The following SLCO2A1 variants were observed in gnomAD, a reference collection of about 807,000 sequenced individuals.
The protein encoded by SLCO2A1 is matrin F/G 1.
SLCO2A1 carries 60 observed loss-of-function variants against 71.7 expected under a neutral mutation model. The observed-to-expected ratio is 0.84, with a 90% CI of 0.68 to 1.04. SLCO2A1 has a LOEUF of 1.04. Ranked by LOEUF, SLCO2A1 falls within the 50% of genes least tolerant of loss-of-function variation. The pLI is 0.00. For synonymous variants in SLCO2A1, 308 were observed against 326.7 expected (o/e 0.94, Z 0.62); for missense variants, 745 against 813.4 (o/e 0.92, Z 1.02).
chr3:134,018,115 A>G (rs549648382), intron 1 of SLCO2A1, among the ~76,000 whole-genome samples: 1 of 152,212 alleles, frequency 6.6e-6, no homozygotes, highest in South Asian at 2.1e-4. Flanking sequence ...ACCTGATCCT[A>G]CCCGTTCCCG....
intron 3 of SLCO2A1, among the ~76,000 whole-genome samples, chr3:133,963,810 C>T (rs1934101184): frequency 7.0e-6 from 1 of 143,618 alleles, no homozygotes; most frequent in South Asian, 2.3e-4. Context: ...GAATGTTCCA[C>T]TCTGAAGGAC....
chr3:134,015,952 C>A (rs1357259969), intron 1 of SLCO2A1, among the ~76,000 whole-genome samples: 1 of 151,770 alleles, frequency 6.6e-6, no homozygotes, highest in Non-Finnish European at 1.5e-5. Context: ...GGTGGAGAAA[C>A]AACTGGATAG....
At chr3:133,954,857 G>T in intron 4 of SLCO2A1, 109 bp downstream of exon 4, 1 of 822,682 alleles carries the variant, frequency 1.2e-6, no homozygotes, top group East Asian at 2.6e-5. Flanking sequence ...CTCATTTGCT[G>T]GGTTGTAAGC....
At chr3:133,965,580 G>T (rs1293956452) in intron 3 of SLCO2A1, among the ~76,000 whole-genome samples, 1 of 152,052 alleles carries the variant, frequency 6.6e-6, no homozygotes, top group Non-Finnish European at 1.5e-5. Context: ...TTCCTACAGG[G>T]AGAAAATATG....
chr3:134,006,089 G>C (rs1402958076), intron 1 of SLCO2A1, among the ~76,000 whole-genome samples: 1 of 152,002 alleles, frequency 6.6e-6, no homozygotes, highest in South Asian at 2.1e-4. Flanking sequence ...TTTTGAGACA[G>C]AGTCTTGCCT....
intron 7 of SLCO2A1, 96 bp downstream of exon 7, chr3:133,948,797 C>CT: frequency 5.7e-6 from 9 of 1,591,744 alleles, no homozygotes; most frequent in African/African-American, 1.3e-5. Context: ...CCTACTGTCC[C>CT]TTACCGCACA....
chr3:134,023,537 C>T (rs1348796316), intron 1 of SLCO2A1, among the ~76,000 whole-genome samples: 1 of 152,112 alleles, frequency 6.6e-6, no homozygotes, highest in Non-Finnish European at 1.5e-5. Context: ...GAAGTCTTGC[C>T]CCCCGATGTA....
At chr3:133,982,750 C>T (rs1289593437) in intron 1 of SLCO2A1, among the ~76,000 whole-genome samples, 2 of 152,116 alleles carry the variant, frequency 1.3e-5, no homozygotes, top group Non-Finnish European at 2.9e-5. Context: ...ATCACTGCAA[C>T]AGCCTCTCAC....
At position 133,935,687 on chromosome 3, in the gene SLCO2A1, C is replaced by T. The variant is rs1000740897; in HGVS notation, c.1814+87G>A. 4.9e-5 allele frequency: 68 copies of T among 1,387,682 alleles called. No homozygotes were observed. In the African/African-American group the frequency reaches 9.5e-4, roughly 19 times the overall value. 86.0% of individuals were successfully genotyped at this position (1,387,682 alleles called of 1,614,324 possible). A position where few individuals can be genotyped will look rare whatever the true frequency, so the allele number is the denominator to read the frequency against. On this transcript the variant is annotated intron_variant, in intron 13 of 13. Coordinates refer to ENST00000310926, the MANE Select transcript of SLCO2A1 (RefSeq NM_005630.3). The stretch of plus-strand genomic sequence containing the variant: ...GTTCTCTTCCTTGGAAGCCTGACAG[C>T]CCCCACAGTAGCCACTGGGCATATG...
chr3:133,948,406 C>T, intron 8 of SLCO2A1, 130 bp downstream of exon 8: 1 of 899,038 alleles, frequency 1.1e-6, no homozygotes, highest in South Asian at 2.1e-5. Flanking sequence ...AATTCTTTCT[C>T]CTGGGCAGTC....
chr3:133,989,658 C>A (rs1469245044), intron 1 of SLCO2A1, among the ~76,000 whole-genome samples: 1 of 152,108 alleles, frequency 6.6e-6, no homozygotes, highest in Non-Finnish European at 1.5e-5. Flanking sequence ...ATGACAAAGC[C>A]CAACTCTACA....
chr3:134,026,773 G>C (rs1009049288), intron 1 of SLCO2A1, among the ~76,000 whole-genome samples: 14 of 152,286 alleles, frequency 9.2e-5, no homozygotes, highest in Non-Finnish European at 1.5e-4. Context: ...CTGAAGGAGA[G>C]GTCTGTAGGA....
At chr3:133,940,100 T>G (rs536671956) in intron 11 of SLCO2A1, among the ~76,000 whole-genome samples, 222 of 151,960 alleles carry the variant, frequency 1.5e-3, no homozygotes, top group Non-Finnish European at 2.4e-3. Flanking sequence ...CCCAAGTAGC[T>G]GGGACTACAG....
chr3:133,950,547 C>T (rs982710553), intron 6 of SLCO2A1, among the ~76,000 whole-genome samples: 3 of 152,188 alleles, frequency 2.0e-5, no homozygotes, highest in Non-Finnish European at 4.4e-5. Flanking sequence ...TTCCCTACCC[C>T]CTAAACTCAA....
chr3:133,955,329 A>G (rs575584400), intron 3 of SLCO2A1, 136 bp from the exon 4 acceptor site: 11 of 658,882 alleles, frequency 1.7e-5, no homozygotes, highest in Admixed American at 2.9e-5. Flanking sequence ...CAAATGGGAC[A>G]TGGTTCCTGA....
intron 2 of SLCO2A1, among the ~76,000 whole-genome samples, chr3:133,974,328 T>C (rs1163473656): frequency 6.6e-6 from 1 of 152,194 alleles, no homozygotes; most frequent in Non-Finnish European, 1.5e-5. Flanking sequence ...GCTTATCTCA[T>C]TTAATCATGA....
At position 133,955,451 on chromosome 3, in the gene SLCO2A1, G is replaced by A. The variant is rs1198183380; in HGVS notation, c.398-258C>T. The A allele has an allele frequency of 5.7e-6, 3 of 522,750 alleles. No homozygotes were observed. The African/African-American group carries it at 5.7e-5, about 10-fold the overall frequency. 32.4% of individuals were successfully genotyped at this position (522,750 alleles called of 1,614,324 possible). A position where few individuals can be genotyped will look rare whatever the true frequency, so the allele number is the denominator to read the frequency against. ...GGAGCTGCTATTTCTCAGGTGGAGA[G>A]GAATCTTCCTCTCGTGAGTGTCCAT... On this transcript the variant is annotated intron_variant, in intron 3 of 13. Coordinates refer to ENST00000310926, the MANE Select transcript of SLCO2A1 (RefSeq NM_005630.3).
chr3:133,949,113 C>T (rs562188550), intron 6 of SLCO2A1, 142 bp from the exon 7 acceptor site: 23 of 655,554 alleles, frequency 3.5e-5, no homozygotes, highest in African/African-American at 3.4e-4. Flanking sequence ...GGGAGGGCAT[C>T]CAGAGAATGC....
intron 12 of SLCO2A1, 26 bp from the exon 13 acceptor site, chr3:133,935,923 G>T: frequency 6.4e-7 from 1 of 1,557,248 alleles, no homozygotes; most frequent in South Asian, 1.2e-5. Flanking sequence ...GAAAGCCCTG[G>T]TCAGGTGGAA....
Sources: allele counts gnomAD v4.1 joint callset (sites outside exome capture counted in the v4.1 genomes callset), GRCh38; gene constraint gnomAD v4.1.1; transcripts MANE v1.5; gene names NCBI Gene and HGNC (gene_info 2026-07-23, HGNC 2026-07-21).